Variants in PDE11A observed in about 807,000 individuals in gnomAD.
PDE11A encodes the protein phosphodiesterase 11A, also known as dual 3',5'-cyclic-AMP and -GMP phosphodiesterase 11A.
PDE11A carries 100 observed loss-of-function variants against 100.5 expected under a neutral mutation model. That is an observed-to-expected ratio of 1.00 (90% confidence interval 0.85 to 1.18). PDE11A has a LOEUF of 1.18. PDE11A is among the 50% of genes most tolerant of loss of function. PDE11A has a pLI of 0.00. For missense variants in PDE11A, 1,141 were observed against 1,152.6 expected (o/e 0.99, Z 0.15); for synonymous variants, 381 against 420.8 (o/e 0.91, Z 1.16).
rs1163385067 is a variant in PDE11A, at chr2:178,014,463, A to G, written c.913-3T>C. Reference sequence around the variant, plus strand: ...ATTTCATCATTGAATCGTCGATCCTAAAAATAAGACAAAGAAAGCATTAAC... The same window carrying G: ...ATTTCATCATTGAATCGTCGATCCTGAAAATAAGACAAAGAAAGCATTAAC... On this transcript the variant is annotated splice_polypyrimidine_tract_variant and splice_region_variant and intron_variant, in intron 1 of 19. Coordinates refer to ENST00000286063, the MANE Select transcript of PDE11A (RefSeq NM_016953.4). 6.2e-7 allele frequency: 1 copy of G among 1,611,278 alleles called. No homozygotes were observed. Among genetic ancestry groups the G allele is most frequent in the Non-Finnish European group, 8.5e-7 (1 of 1,177,810 alleles).
chr2:177,814,673 G>A (rs1378060185), intron 9 of PDE11A, among the ~76,000 whole-genome samples: 5 of 152,204 alleles, frequency 3.3e-5, no homozygotes. Context: ...CTAGAGATTT[G>A]TCAGAGTCAG....
At chr2:177,825,269 A>C (rs962743435) in intron 6 of PDE11A, among the ~76,000 whole-genome samples, 2 of 152,192 alleles carry the variant, frequency 1.3e-5, no homozygotes, top group Non-Finnish European at 2.9e-5. Flanking sequence ...AGCTGAGCAC[A>C]GGAGAAGAGG....
In PDE11A at chr2:177,701,149, T is replaced by C. The variant is rs1232601795; in HGVS notation, c.2216A>G (p.Asn739Ser). 6.2e-7 allele frequency: 1 copy of C among 1,605,692 alleles called. No homozygotes were observed. The change falls in exon 14 of 20, where the codon AAC becomes AGC. Residue 739 changes from asparagine to serine, a missense_variant. Physicochemically the swap from Asn to Ser is conservative, Grantham distance 46. Coordinates refer to ENST00000286063, the MANE Select transcript of PDE11A (RefSeq NM_016953.4). ...ACTTTGAAGGATCATCACGGCGTGG[T>C]TGAAATGGTGATGCTCCAAGGTAGC... ...TSATLEHHHF[N>S]HAVMILQSEG...
At chr2:177,881,717 T>A (rs1427850862) in intron 4 of PDE11A, among the ~76,000 whole-genome samples, 2 of 152,242 alleles carry the variant, frequency 1.3e-5, no homozygotes, top group Non-Finnish European at 2.9e-5. Flanking sequence ...ATTAATAAAG[T>A]TTCATTGTAA....
chr2:178,063,422 A>G (rs987791374), intron 1 of PDE11A, among the ~76,000 whole-genome samples: 1 of 152,214 alleles, frequency 6.6e-6, no homozygotes, highest in Non-Finnish European at 1.5e-5. Context: ...TCATACTCAC[A>G]GACCCTAGAA....
chr2:177,899,483 C>A, intron 3 of PDE11A: 2 of 262,240 alleles, frequency 7.6e-6, no homozygotes, highest in East Asian at 1.5e-4. Context: ...ACCTCCAAAG[C>A]ACATGGATTT....
At chr2:177,783,662 C>T (rs1162180354) in intron 9 of PDE11A, among the ~76,000 whole-genome samples, 1 of 152,144 alleles carries the variant, frequency 6.6e-6, no homozygotes, top group East Asian at 1.9e-4. Flanking sequence ...ATAGATTTTG[C>T]CCAAAATTAA....
chr2:177,697,391 A>T lies in PDE11A; in HGVS notation c.2286T>A (p.Ser762Arg). ...IFANLSSKEY[S>R]DLMQLLKQSI... ...ACTGCTTCAAAAGCTGCATAAGGTC[A>T]CTATATTCCTTGGAGGACAGGTTAG... The change falls in exon 15 of 20, where the codon AGT becomes AGA. Residue 762 changes from serine (S) to arginine (R), a missense_variant. Physicochemically the swap from Ser to Arg is moderately radical, Grantham distance 110 (BLOSUM62 -1). Coordinates refer to ENST00000286063, the MANE Select transcript of PDE11A (RefSeq NM_016953.4). 1 of 1,601,936 alleles carries T rather than the reference A, an allele frequency of 6.2e-7. No homozygotes were observed. Among genetic ancestry groups the T allele is most frequent in the Non-Finnish European group, 8.6e-7 (1 of 1,169,044 alleles).
intron 6 of PDE11A, among the ~76,000 whole-genome samples, chr2:177,835,461 C>T (rs2083380807): frequency 6.6e-6 from 1 of 152,176 alleles, no homozygotes; most frequent in Admixed American, 6.5e-5. Flanking sequence ...AGTTAATTTC[C>T]CAGACCTTAA....
At chr2:177,727,288 C>T (rs994385012) in intron 12 of PDE11A, among the ~76,000 whole-genome samples, 6 of 152,252 alleles carry the variant, frequency 3.9e-5, no homozygotes, top group South Asian at 2.1e-4. Context: ...TCCCTACTGG[C>T]TTTCCACCAG....
chr2:177,971,972 C>G (rs1559028998), intron 2 of PDE11A, among the ~76,000 whole-genome samples: 1 of 152,110 alleles, frequency 6.6e-6, no homozygotes, highest in African/African-American at 2.4e-5. Flanking sequence ...CATCTAGACA[C>G]CAATAGAGTC....
chr2:177,928,126 A>G lies in PDE11A; in HGVS notation c.1072-22939T>C, dbSNP rs2085156629. On this transcript the variant is annotated intron_variant, in intron 2 of 19. Coordinates refer to ENST00000286063, the MANE Select transcript of PDE11A (RefSeq NM_016953.4). ...TCTCAAAAAAAAAAAAAAAAAAAAA[A>G]GCCATGAGATAGAGGAAACATCAAT... 3.4e-5 allele frequency among the ~76,000 whole-genome samples: 5 copies of G among 146,432 alleles called. No homozygotes were observed. In the South Asian group the frequency reaches 1.1e-3, roughly 32 times the overall value.
intron 2 of PDE11A, among the ~76,000 whole-genome samples, chr2:177,962,442 A>G (rs1399827002): frequency 2.0e-5 from 3 of 152,114 alleles, no homozygotes; most frequent in Non-Finnish European, 4.4e-5. Context: ...TTTATATAGT[A>G]TACTATCATG....
intron 19 of PDE11A, among the ~76,000 whole-genome samples, chr2:177,656,472 G>A (rs143410288): frequency 7.5e-6 from 1 of 133,996 alleles, no homozygotes. Flanking sequence ...ATGTATCCCT[G>A]TTGTTAAGCA....
intron 19 of PDE11A, among the ~76,000 whole-genome samples, chr2:177,634,452 G>C (rs968454163): frequency 2.0e-5 from 3 of 150,358 alleles, no homozygotes; most frequent in African/African-American, 7.4e-5. Flanking sequence ...GCAGTGGGGC[G>C]ATCTCGGCTC....
chr2:177,947,510 C>T (rs372629971), intron 2 of PDE11A, among the ~76,000 whole-genome samples: 2 of 152,122 alleles, frequency 1.3e-5, no homozygotes, highest in South Asian at 2.1e-4. Context: ...GTCCACTCAG[C>T]GTTGAATGGA....
At chr2:177,811,063 G>A (rs1351607012) in intron 9 of PDE11A, among the ~76,000 whole-genome samples, 1 of 152,252 alleles carries the variant, frequency 6.6e-6, no homozygotes, top group East Asian at 1.9e-4. Flanking sequence ...TATTAGGTAA[G>A]GCTTCATTTG....
chr2:177,939,746 G>A (rs1559015775), intron 2 of PDE11A, among the ~76,000 whole-genome samples: 1 of 152,204 alleles, frequency 6.6e-6, no homozygotes, highest in African/African-American at 2.4e-5. Flanking sequence ...TCTAGGACAT[G>A]AGACTTTCAG....
At chr2:178,082,773 A>G (rs1340626970) in intron 2 of PDE11A, among the ~76,000 whole-genome samples, 1 of 152,122 alleles carries the variant, frequency 6.6e-6, no homozygotes, top group Non-Finnish European at 1.5e-5. Flanking sequence ...AAAAACCCTC[A>G]CTGTGCATTC....
Sources: allele counts gnomAD v4.1 joint callset (sites outside exome capture counted in the v4.1 genomes callset), GRCh38; gene constraint gnomAD v4.1.1; transcripts MANE v1.5; gene names NCBI Gene and HGNC (gene_info 2026-07-23, HGNC 2026-07-21).